RPTOR: variants seen among roughly 807,000 people sequenced by gnomAD.
The protein encoded by RPTOR is regulatory-associated protein of mTOR.
RPTOR carries 21 observed loss-of-function variants against 169.9 expected under a neutral mutation model. The observed-to-expected ratio is 0.12, with a 90% CI of 0.09 to 0.18. The LOEUF is 0.18. Among genes scored for constraint, RPTOR ranks in the 10% least tolerant of loss-of-function variants. The pLI is 1.00. For missense variants in RPTOR, 1,133 were observed against 1,855.9 expected, an observed-to-expected ratio of 0.61 and a Z score of 7.16; for synonymous variants, 732 against 753.2, an observed-to-expected ratio of 0.97 and a Z score of 0.46.
intron 24 of RPTOR, among the ~76,000 whole-genome samples, chr17:80,928,838 C>A (rs954308008): frequency 3.3e-5 from 5 of 152,166 alleles, no homozygotes; most frequent in Non-Finnish European, 7.3e-5. Flanking sequence ...TGGAAGGTTT[C>A]AAAAATTGAT....
chr17:80,845,612 A>G lies in RPTOR; in HGVS notation c.1213-861A>G, dbSNP rs796791689. ...AGCCTGCCCGAGGATGCCCTCCAGC[A>G]GCCTTTCCCCACCCTCCGTGCCCCC... is the stretch of plus-strand genomic sequence containing the variant. On this transcript the variant is annotated intron_variant, in intron 10 of 33. Coordinates refer to ENST00000306801, the MANE Select transcript of RPTOR (RefSeq NM_020761.3). The surrounding 1 kb of genome is among the most constrained non-coding windows in gnomAD (Gnocchi z 5.4). Among the ~76,000 whole-genome samples, 15 of 150,138 alleles carry G rather than the reference A, an allele frequency of 1.0e-4. 1 individual carries two copies. Among genetic ancestry groups the G allele is most frequent in the African/African-American group, 3.7e-4 (15 of 40,730 alleles).
chr17:80,604,527 G>A (rs944788593), intron 1 of RPTOR, among the ~76,000 whole-genome samples: 3 of 152,184 alleles, frequency 2.0e-5, no homozygotes, highest in African/African-American at 4.8e-5. Flanking sequence ...GGTTGCTGAC[G>A]ATGCTGTCCC....
intron 7 of RPTOR, among the ~76,000 whole-genome samples, chr17:80,799,938 C>T (rs796458878): frequency 6.6e-6 from 1 of 152,310 alleles, no homozygotes; most frequent in African/African-American, 2.4e-5. Flanking sequence ...GTGTCCTTGC[C>T]CGCTGCCATC....
chr17:80,880,580 G>C, intron 14 of RPTOR, 91 bp downstream of exon 14: 1 of 1,233,104 alleles, frequency 8.1e-7, no homozygotes, highest in Non-Finnish European at 1.2e-6. Flanking sequence ...TTTTGACGGG[G>C]GCTACAGGAG....
chr17:80,641,797 C>T (rs370021817), intron 2 of RPTOR, among the ~76,000 whole-genome samples: 15 of 152,288 alleles, frequency 9.8e-5, no homozygotes, highest in African/African-American at 2.9e-4. Context: ...TGTGGATGGC[C>T]GCCAACTAAT....
At chr17:80,770,722 A>G (rs997330336) in intron 6 of RPTOR, among the ~76,000 whole-genome samples, 1 of 152,078 alleles carries the variant, frequency 6.6e-6, no homozygotes, top group Non-Finnish European at 1.5e-5. Flanking sequence ...ATTCCTACTT[A>G]CCCGCCTCAA....
At chr17:80,752,323 G>A (rs1346490735) in intron 5 of RPTOR, among the ~76,000 whole-genome samples, 2 of 152,200 alleles carry the variant, frequency 1.3e-5, no homozygotes, top group Non-Finnish European at 2.9e-5. Flanking sequence ...CCTTCCAGCA[G>A]GTGGGCCCTG....
rs147414201 is a variant in RPTOR at position 80,655,159 on chromosome 17, C to T, written c.348+11349C>T. 8.6e-3 allele frequency among the ~76,000 whole-genome samples: 1,314 copies of T among 152,310 alleles called. 21 individuals carry two copies. The highest frequency in any genetic ancestry group is 0.029 in the African/African-American group (1,216 of 41,568). ...GGAGTGCAGTGGCATGATGTTGGCT[C>T]ACTGCAGCCTCCATCTCCTGGGCCC... is the stretch of plus-strand genomic sequence containing the variant. On this transcript the variant is annotated intron_variant, in intron 3 of 33. Transcript: ENST00000306801.
At chr17:80,904,959 T>C (rs2068521912) in intron 20 of RPTOR, among the ~76,000 whole-genome samples, 1 of 152,180 alleles carries the variant, frequency 6.6e-6, no homozygotes, top group Admixed American at 6.5e-5. Flanking sequence ...ATTTCGACTT[T>C]GATATAAGTG....
chr17:80,911,327 C>T (rs983470166), intron 21 of RPTOR, among the ~76,000 whole-genome samples: 45 of 152,208 alleles, frequency 3.0e-4, no homozygotes, highest in African/African-American at 9.4e-4. Context: ...CACCTGGAGA[C>T]GTTCATCCCC....
intron 11 of RPTOR, among the ~76,000 whole-genome samples, chr17:80,851,513 G>A (rs2067793221): frequency 6.6e-6 from 1 of 151,638 alleles, no homozygotes; most frequent in Non-Finnish European, 1.5e-5. Context: ...AAAAAAAACA[G>A]TACTTAACCT....
intron 33 of RPTOR, 31 bp from the exon 34 acceptor site, chr17:80,964,231 A>G: frequency 6.3e-7 from 1 of 1,590,448 alleles, no homozygotes. Flanking sequence ...CCGCACCTGA[A>G]CCCCTGCTCA....
chr17:80,824,213 G>C (rs571960596), intron 9 of RPTOR, among the ~76,000 whole-genome samples: 9 of 152,278 alleles, frequency 5.9e-5, no homozygotes, highest in African/African-American at 2.2e-4. Flanking sequence ...ACCCAGCATA[G>C]CACTTGGACT....
intron 10 of RPTOR, among the ~76,000 whole-genome samples, chr17:80,841,255 A>C (rs1266689130): frequency 1.4e-5 from 1 of 70,376 alleles, no homozygotes; most frequent in Non-Finnish European, 2.7e-5. Context: ...GCTCACTCTC[A>C]CCGCACCGCA....
At chr17:80,632,956 C>A (rs751165018) in intron 2 of RPTOR, among the ~76,000 whole-genome samples, 3 of 151,848 alleles carry the variant, frequency 2.0e-5, no homozygotes, top group Non-Finnish European at 2.9e-5. Flanking sequence ...AGATGTGCAT[C>A]CCCCACGCTT....
chr17:80,592,191 T>C (rs2065112595), intron 1 of RPTOR, among the ~76,000 whole-genome samples: 1 of 152,090 alleles, frequency 6.6e-6, no homozygotes. Context: ...GCTGTAGCTG[T>C]GAGTGAGGAG....
chr17:80,928,124 G>A (rs934350933), intron 24 of RPTOR, among the ~76,000 whole-genome samples: 9 of 152,198 alleles, frequency 5.9e-5, no homozygotes, highest in East Asian at 1.9e-4. Context: ...GGAAAAGAGC[G>A]CCGTGTTGTG....
At chr17:80,567,272 A>G (rs1400861107) in intron 1 of RPTOR, among the ~76,000 whole-genome samples, 1 of 150,416 alleles carries the variant, frequency 6.6e-6, no homozygotes, top group African/African-American at 2.5e-5. Context: ...TGCCCAACCT[A>G]TACCTTTTTG....
chr17:80,781,047 G>T (rs1425570201), intron 6 of RPTOR, among the ~76,000 whole-genome samples: 11 of 152,134 alleles, frequency 7.2e-5, no homozygotes, highest in South Asian at 2.1e-4. Flanking sequence ...GTAGCTGGGG[G>T]TGAGTTTCAG....
Sources: gnomAD v4.1 joint callset for allele counts (sites outside exome capture counted in the v4.1 genomes callset) on GRCh38, gnomAD v4.1.1 for gene constraint, Gnocchi (gnomAD v3.1) non-coding constraint, MANE v1.5 for transcripts, NCBI Gene and HGNC (gene_info 2026-07-23, HGNC 2026-07-21) for gene names.